The following DYNC2I1 variants were observed in gnomAD, a reference collection of about 807,000 sequenced individuals.
The protein encoded by DYNC2I1 is dynein 2 intermediate chain 1, also known as cytoplasmic dynein 2 intermediate chain 1.
A neutral mutation model predicts 133.4 loss-of-function variants in DYNC2I1; 89 were observed. That is an observed-to-expected ratio of 0.67 (90% CI 0.56 to 0.80). The LOEUF is 0.80. Ranked by LOEUF, DYNC2I1 falls within the 30% of genes least tolerant of loss-of-function variation. The probability of loss-of-function intolerance (pLI) is 0.00; values close to 1 mark genes in which losing one functional copy is unlikely to be tolerated. For missense variants in DYNC2I1, 1,291 were observed against 1,314.5 expected (o/e 0.98, Z 0.28); for synonymous variants, 504 against 484.3 (o/e 1.04, Z -0.54).
At chr7:158,953,724 A>G (rs1379916252) in intron 4 of DYNC2I1, among the ~76,000 whole-genome samples, 3 of 151,992 alleles carry the variant, frequency 2.0e-5, no homozygotes, top group South Asian at 2.1e-4. Context: ...GTGTGTATAT[A>G]TATGTTACAT....
chr7:158,917,268 G>T (rs1249761252), intron 14 of DYNC2I1, among the ~76,000 whole-genome samples: 2 of 120,544 alleles, frequency 1.7e-5, no homozygotes, highest in Admixed American at 1.5e-4. Flanking sequence ...AAGGATGATT[G>T]TGAAACGTCG....
chr7:158,883,789 G>A (rs1277167484), intron 5 of DYNC2I1, among the ~76,000 whole-genome samples: 3 of 146,146 alleles, frequency 2.1e-5, no homozygotes, highest in Non-Finnish European at 3.0e-5. Flanking sequence ...TCAGCCTCCC[G>A]AGTAGCTGGG....
downstream of DYNC2I1, among the ~76,000 whole-genome samples, chr7:158,947,516 A>G (rs567136521): frequency 1.3e-5 from 2 of 152,206 alleles, no homozygotes; most frequent in South Asian, 4.2e-4. Context: ...CTCCTTTGTA[A>G]CCTGGGAGGC....
chr7:158,946,651 T>G (rs969360700), downstream of DYNC2I1, among the ~76,000 whole-genome samples: 1 of 152,262 alleles, frequency 6.6e-6, no homozygotes, highest in African/African-American at 2.4e-5. Context: ...ACCCTTGTGC[T>G]TAAGTTCCAG....
chr7:158,926,132 T>A, intron 17 of DYNC2I1, 55 bp from the exon 18 acceptor site: 1 of 1,369,592 alleles, frequency 7.3e-7, no homozygotes, highest in Non-Finnish European at 1.0e-6. Context: ...TGATGCGAAC[T>A]GCATTTCTTC....
downstream of DYNC2I1, among the ~76,000 whole-genome samples, chr7:158,958,493 C>T (rs1474281214): frequency 2.0e-5 from 3 of 152,222 alleles, no homozygotes; most frequent in East Asian, 1.9e-4. Flanking sequence ...GGCATCTCCC[C>T]GTTTTTGTCT....
upstream of DYNC2I1, among the ~76,000 whole-genome samples, chr7:158,853,585 T>C (rs2129475219): frequency 6.6e-6 from 1 of 152,158 alleles, no homozygotes; most frequent in Middle Eastern, 3.4e-3. Context: ...AGAGATGATT[T>C]ATCTAGATAG....
intron 4 of DYNC2I1, among the ~76,000 whole-genome samples, chr7:158,955,630 C>T (rs1852179679): frequency 6.6e-6 from 1 of 152,342 alleles, no homozygotes; most frequent in East Asian, 1.9e-4. Context: ...AATCAGAGGT[C>T]CTGCCTGCAG....
Position 158,865,090 on chromosome 7 carries a change from C to T in DYNC2I1, c.16-4765C>T, listed in dbSNP as rs568972868. Among the ~76,000 whole-genome samples, 16 of 152,300 alleles carry T rather than the reference C, an allele frequency of 1.1e-4. No homozygotes were observed. The East Asian group carries it at 1.4e-3, about 13-fold the overall frequency. On this transcript the variant is annotated intron_variant, in intron 1 of 24. Transcript: ENST00000407559. ...CCTCACACCCACTCGTAGTGGGGGT[C>T]GGACAAGATGGCACAGGGGTGGGGT...
intron 11 of DYNC2I1, among the ~76,000 whole-genome samples, chr7:158,911,121 A>G (rs1036050734): frequency 6.6e-6 from 1 of 152,198 alleles, no homozygotes; most frequent in African/African-American, 2.4e-5. Flanking sequence ...CCTGGAAAAG[A>G]GCGTGGCCCA....
chr7:158,870,905 T>G (rs192320040), intron 2 of DYNC2I1, among the ~76,000 whole-genome samples: 4 of 152,288 alleles, frequency 2.6e-5, no homozygotes, highest in African/African-American at 9.6e-5. Flanking sequence ...GTCCATGATA[T>G]TGGGGCGCTG....
chr7:158,908,278 TA>T (rs59918408), intron 11 of DYNC2I1, among the ~76,000 whole-genome samples: 142 of 148,778 alleles, frequency 9.5e-4, no homozygotes, highest in Non-Finnish European at 1.5e-3. Flanking sequence ...CAAATGGATT[TA>T]AAAAAAAAAT....
At chr7:158,953,582 C>G (rs1025661205) in intron 4 of DYNC2I1, among the ~76,000 whole-genome samples, 1 of 152,140 alleles carries the variant, frequency 6.6e-6, no homozygotes, top group African/African-American at 2.4e-5. Context: ...AAGACCCTAT[C>G]TCTACAAATA....
Position 158,923,624 on chromosome 7 carries a change from A to G in DYNC2I1, c.2148A>G (p.Thr716=). ...PLKAFLLFAG[T]AHGSVVVWDL... ...AAGCATTTTTACTGTTTGCCGGAAC[A>G]GCGCACGGCTCAGTTGTCGTCTGGG... The change falls in exon 17 of 25, where the codon ACA becomes ACG. Residue 716 remains threonine (T), a synonymous_variant. Coordinates refer to ENST00000407559, the MANE Select transcript of DYNC2I1 (RefSeq NM_018051.5). The G allele has an allele frequency of 6.2e-7, 1 of 1,614,054 alleles. No individual in the cohort carries two copies. Among genetic ancestry groups the G allele is most frequent in the Non-Finnish European group, 8.5e-7 (1 of 1,179,906 alleles).
intron 1 of DYNC2I1, among the ~76,000 whole-genome samples, chr7:158,862,542 C>A (rs763690574): frequency 1.4e-3 from 195 of 138,072 alleles, no homozygotes; most frequent in Non-Finnish European, 2.5e-3. Context: ...CATAGCAAGA[C>A]CCTATCTCTT....
intron 5 of DYNC2I1, among the ~76,000 whole-genome samples, chr7:158,881,144 C>G (rs1843963395): frequency 6.6e-6 from 1 of 152,252 alleles, no homozygotes; most frequent in African/African-American, 2.4e-5. Flanking sequence ...CTGCCTGGCT[C>G]CCGGCCATCT....
chr7:158,884,605 T>C lies in DYNC2I1; in HGVS notation c.921T>C (p.Asp307=). The change falls in exon 6 of 25, where the codon GAT becomes GAC. Residue 307 remains aspartate (D), a synonymous_variant. Coordinates refer to ENST00000407559, the MANE Select transcript of DYNC2I1 (RefSeq NM_018051.5). ...HRNRGASSKR[D]GTSSQHAENL... is the part of the protein sequence containing the mutation. Reference sequence around the variant, plus strand: ...ATCGAGGTGCAAGCTCAAAAAGAGATGGGACCAGCAGCCAGTAAGGATTGC... The same window carrying C: ...ATCGAGGTGCAAGCTCAAAAAGAGACGGGACCAGCAGCCAGTAAGGATTGC... 2 of 1,613,270 alleles carry C rather than the reference T, an allele frequency of 1.2e-6. No homozygotes were observed. Among genetic ancestry groups the C allele is most frequent in the Non-Finnish European group, 8.5e-7 (1 of 1,179,592 alleles).
chr7:158,883,658 C>CTTTTT (rs762388455), intron 5 of DYNC2I1, among the ~76,000 whole-genome samples: 35 of 86,162 alleles, frequency 4.1e-4, no homozygotes, highest in African/African-American at 6.0e-4. Context: ...CCAGTGACTT[C>CTTTTT]TTTTTTTTTT....
intron 10 of DYNC2I1, 49 bp downstream of exon 10, chr7:158,902,644 G>T (rs1446423213): frequency 1.3e-6 from 2 of 1,517,614 alleles, no homozygotes; most frequent in Non-Finnish European, 1.8e-6. Context: ...AGGGCTCTGT[G>T]TACTGAGCCC....
Sources: gnomAD v4.1 joint callset for allele counts (sites outside exome capture counted in the v4.1 genomes callset) on GRCh38, gnomAD v4.1.1 for gene constraint, MANE v1.5 for transcripts, NCBI Gene and HGNC (gene_info 2026-07-23, HGNC 2026-07-21) for gene names.